The following THAP12 variants were observed in gnomAD, a reference collection of about 807,000 sequenced individuals.
The protein encoded by THAP12 is 52 kDa repressor of the inhibitor of the protein kinase.
THAP12 carries 20 observed loss-of-function variants against 63.0 expected under a neutral mutation model. The observed-to-expected ratio is 0.32, with a 90% CI of 0.22 to 0.46. THAP12 has a LOEUF of 0.46. Ranked by LOEUF, THAP12 falls within the 20% of genes least tolerant of loss-of-function variation. The pLI is 1.00. For synonymous variants in THAP12, 264 were observed against 328.4 expected (o/e 0.80, Z 2.12); for missense variants, 568 against 908.2 (o/e 0.63, Z 4.81).
chr11:76,365,954 C>T lies in THAP12; in HGVS notation c.108G>A (p.Glu36=). 6.2e-7 allele frequency: 1 copy of T among 1,612,922 alleles called. No homozygotes were observed. The highest frequency in any genetic ancestry group is 8.5e-7 in the Non-Finnish European group (1 of 1,179,610). Residue 36 remains glutamate (E), a synonymous_variant, in exon 2 of 5, where the codon GAG becomes GAA. Coordinates refer to ENST00000260045, the MANE Select transcript of THAP12 (RefSeq NM_004705.4). ...CTTCTAAGTCTGCTCTCCTACAGTT[C>T]TCCACCCACTTCTGGCATCTATAAA... The part of the protein sequence containing the change: ...RDPARCQKWV[E]NCRRADLEDK...
chr11:76,372,091 G>C (rs2618092), intron 1 of THAP12, among the ~76,000 whole-genome samples: 29,231 of 151,742 alleles, frequency 0.19, 3,403 homozygotes, highest in Admixed American at 0.33. Context: ...GATTACAGGC[G>C]TGAGCCATCG....
chr11:76,370,843 A>AAT (rs1555025511), intron 1 of THAP12, among the ~76,000 whole-genome samples: 2,926 of 141,416 alleles, frequency 0.021, 46 homozygotes, highest in South Asian at 0.044. Flanking sequence ...AAAAAAAAAA[A>AAT]ATATATATAT....
intron 2 of THAP12, 124 bp from the exon 3 acceptor site, chr11:76,361,187 CAGAATTTGA>C: frequency 1.6e-6 from 1 of 626,734 alleles, no homozygotes; most frequent in South Asian, 2.3e-5. Context: ...TAGAGACTTA[CAGAATTTGA>C]TGTCAGTTCA....
chr11:76,369,148 G>A (rs568617092), intron 1 of THAP12, among the ~76,000 whole-genome samples: 1 of 152,080 alleles, frequency 6.6e-6, no homozygotes, highest in East Asian at 1.9e-4. Context: ...AAAAATGCTC[G>A]ATCTCATTTG....
chr11:76,375,265 A>G (rs1171609141), intron 1 of THAP12, among the ~76,000 whole-genome samples: 1 of 152,116 alleles, frequency 6.6e-6, no homozygotes, highest in Non-Finnish European at 1.5e-5. Flanking sequence ...ATCTCACTCT[A>G]ATCAGAGCAA....
At chr11:76,373,281 G>A (rs903910369) in intron 1 of THAP12, among the ~76,000 whole-genome samples, 6 of 151,460 alleles carry the variant, frequency 4.0e-5, no homozygotes, top group Non-Finnish European at 7.4e-5. Flanking sequence ...AGGAGGCAGA[G>A]GTTGCAATGA....
At chr11:76,373,758 G>A (rs902533959) in intron 1 of THAP12, among the ~76,000 whole-genome samples, 3 of 151,622 alleles carry the variant, frequency 2.0e-5, no homozygotes, top group African/African-American at 4.8e-5. Context: ...TCACATTTTA[G>A]AGCAGCAATT....
At chr11:76,365,018 T>C (rs1349821927) in intron 2 of THAP12, among the ~76,000 whole-genome samples, 2 of 152,138 alleles carry the variant, frequency 1.3e-5, no homozygotes, top group South Asian at 2.1e-4. Flanking sequence ...TGGAGGCTCA[T>C]ACATGTAATC....
intron 1 of THAP12, among the ~76,000 whole-genome samples, chr11:76,369,349 T>C (rs576044438): frequency 6.6e-6 from 1 of 152,344 alleles, no homozygotes; most frequent in Admixed American, 6.5e-5. Flanking sequence ...ACAAACTATC[T>C]ACAATCTCAC....
chr11:76,370,147 C>A (rs182104611), intron 1 of THAP12, among the ~76,000 whole-genome samples: 95 of 152,250 alleles, frequency 6.2e-4, no homozygotes, highest in Non-Finnish European at 1.2e-3. Context: ...TCTCCCTCTT[C>A]CCCCCAAAAC....
At chr11:76,380,389 G>A (rs1308921864) in intron 1 of THAP12, among the ~76,000 whole-genome samples, 1 of 152,214 alleles carries the variant, frequency 6.6e-6, no homozygotes, top group Non-Finnish European at 1.5e-5. Flanking sequence ...TCTTTTGACA[G>A]CTAAGGAAAC....
intron 2 of THAP12, 157 bp from the exon 3 acceptor site, chr11:76,361,220 T>C (rs1946596008): frequency 3.8e-6 from 2 of 527,404 alleles, no homozygotes; most frequent in East Asian, 3.1e-5. Flanking sequence ...CAGTCTACTA[T>C]TTCCAACTGT....
At chr11:76,357,836 T>C (rs1946571571) in intron 3 of THAP12, 1 of 152,164 alleles carries the variant, frequency 6.6e-6, no homozygotes, top group Non-Finnish European at 1.5e-5. Context: ...TTGTAGGGTA[T>C]AGCTAAAATG....
chr11:76,376,612 TA>T (rs1946711994), intron 1 of THAP12, among the ~76,000 whole-genome samples: 1 of 137,560 alleles, frequency 7.3e-6, no homozygotes, highest in Non-Finnish European at 1.6e-5. Context: ...AAATTGTGTC[TA>T]TGTTTTTTTT....
At chr11:76,356,556 T>C (rs1448180372) in intron 3 of THAP12, 3 of 152,248 alleles carry the variant, frequency 2.0e-5, no homozygotes, top group Non-Finnish European at 4.4e-5. Context: ...TATCTATGGA[T>C]TTAACCAACC....
chr11:76,367,607 C>A (rs1161923405), intron 1 of THAP12, among the ~76,000 whole-genome samples: 2 of 150,382 alleles, frequency 1.3e-5, no homozygotes, highest in African/African-American at 4.9e-5. Context: ...ATTTATAGTA[C>A]AGATGGGGTT....
chr11:76,369,402 T>A (rs1459634691), intron 1 of THAP12, among the ~76,000 whole-genome samples: 1 of 152,260 alleles, frequency 6.6e-6, no homozygotes, highest in Non-Finnish European at 1.5e-5. Context: ...ACATACTACA[T>A]GATTCCTTTG....
chr11:76,380,957 CG>C lies in THAP12; in HGVS notation c.-122del. ...CGGCCGGCTCGGCAGGGCCGACGCG[CG>C]GGGGAGGGGCGGGCGGGCTAGAAGC... On this transcript the variant is annotated 5_prime_UTR_variant, in exon 1 of 5. Transcript: ENST00000260045. The C allele has an allele frequency of 2.4e-6, 1 of 409,348 alleles. No homozygotes were observed. The highest frequency in any genetic ancestry group is 3.6e-6 in the Non-Finnish European group (1 of 278,740). The allele number at this position is 409,348 out of a possible 1,614,324, so 25.4% of individuals were successfully genotyped here.
intron 1 of THAP12, among the ~76,000 whole-genome samples, chr11:76,369,739 G>C (rs1216322334): frequency 6.6e-6 from 1 of 152,236 alleles, no homozygotes; most frequent in African/African-American, 2.4e-5. Flanking sequence ...CGGACACTAC[G>C]TCTCTAACGG....
Sources: allele counts gnomAD v4.1 joint callset (sites outside exome capture counted in the v4.1 genomes callset), GRCh38; gene constraint gnomAD v4.1.1; transcripts MANE v1.5; gene names NCBI Gene and HGNC (gene_info 2026-07-23, HGNC 2026-07-21).